NRXN3: variants seen among roughly 807,000 people sequenced by gnomAD.
NRXN3 encodes neurexin III.
Under a neutral mutation model 137.6 loss-of-function variants are expected in NRXN3, and 32 were observed. The observed-to-expected ratio is 0.23, with a 90% CI of 0.18 to 0.31. The LOEUF is 0.31. Among genes scored for constraint, NRXN3 ranks in the 10% least tolerant of loss-of-function variants. The probability of loss-of-function intolerance (pLI) is 1.00; values close to 1 mark genes in which losing one functional copy is unlikely to be tolerated. For missense variants in NRXN3, 1,574 were observed against 2,062.5 expected, an observed-to-expected ratio of 0.76 and a Z score of 4.59; for synonymous variants, 798 against 784.5, an observed-to-expected ratio of 1.02 and a Z score of -0.29.
At chr14:78,840,089 GTGACAGT>G (rs1169777707) in intron 10 of NRXN3, among the ~76,000 whole-genome samples, 5 of 152,156 alleles carry the variant, frequency 3.3e-5, no homozygotes, top group African/African-American at 1.2e-4. Context: ...GCCTTCTTTA[GTGACAGT>G]TGTTTCTAAA....
intron 17 of NRXN3, among the ~76,000 whole-genome samples, chr14:79,672,885 C>T (rs2098617564): frequency 6.6e-6 from 1 of 152,150 alleles, no homozygotes; most frequent in East Asian, 1.9e-4. Context: ...TGCAGAGTCT[C>T]TCTAGTTATT....
intron 15 of NRXN3, among the ~76,000 whole-genome samples, chr14:79,422,121 G>T (rs1278433767): frequency 1.3e-5 from 2 of 152,006 alleles, no homozygotes; most frequent in African/African-American, 4.8e-5. Context: ...ATGCAGTAGT[G>T]TGAGCATGGC....
rs1327284780 is a variant in NRXN3, at chr14:79,863,911, G to A, written c.*1947G>A. On this transcript the variant is annotated 3_prime_UTR_variant, in exon 21 of 21. Coordinates refer to ENST00000335750, the MANE Select transcript of NRXN3 (RefSeq NM_001330195.2). ...TTGAAAAAATATCTTAACGACATGG[G>A]GCAAAAAGTGCAATCTAAATGGTAG... 2 of 152,478 alleles carry A rather than the reference G, an allele frequency of 1.3e-5. No individual in the cohort carries two copies. Among genetic ancestry groups the A allele is most frequent in the African/African-American group, 2.4e-5 (1 of 41,420 alleles). The allele number at this position is 152,478 out of a possible 1,614,324, so 9.4% of individuals were successfully genotyped here. A position where few individuals can be genotyped will look rare whatever the true frequency, so the allele number is the denominator to read the frequency against.
intron 4 of NRXN3, among the ~76,000 whole-genome samples, chr14:78,437,900 G>T (rs1198610708): frequency 2.6e-5 from 4 of 152,134 alleles, no homozygotes; most frequent in Non-Finnish European, 5.9e-5. Context: ...CAGGTTTTCA[G>T]ATGTAGAAGA....
intron 16 of NRXN3, among the ~76,000 whole-genome samples, chr14:79,521,235 TTTTG>T (rs1195235694): frequency 6.6e-6 from 1 of 152,186 alleles, no homozygotes; most frequent in Admixed American, 6.6e-5. Context: ...CTTTTTCTTA[TTTTG>T]TTTGTTTGCT....
chr14:79,770,572 C>G (rs575617394), intron 19 of NRXN3, among the ~76,000 whole-genome samples: 1 of 149,336 alleles, frequency 6.7e-6, no homozygotes, highest in Admixed American at 6.7e-5. Flanking sequence ...TTCTTTGAAA[C>G]CAACGAGAAC....
chr14:79,291,565 G>C (rs1490755333), intron 15 of NRXN3, among the ~76,000 whole-genome samples: 2 of 149,900 alleles, frequency 1.3e-5, no homozygotes, highest in Admixed American at 1.3e-4. Context: ...TGGAAAGTTT[G>C]AGTCAGTTGC....
chr14:79,306,376 G>T (rs1598494616), intron 15 of NRXN3, among the ~76,000 whole-genome samples: 1 of 152,032 alleles, frequency 6.6e-6, no homozygotes, highest in Middle Eastern at 3.4e-3. Context: ...TCAACATCGT[G>T]CACCTTGTTC....
At chr14:79,538,275 G>A (rs143387013) in intron 16 of NRXN3, among the ~76,000 whole-genome samples, 4,162 of 152,188 alleles carry the variant, frequency 0.027, 199 homozygotes, top group African/African-American at 0.095. Flanking sequence ...TTCTTTTGCT[G>A]TGCAGAAGCT....
chr14:79,422,753 G>A (rs2095598665), intron 15 of NRXN3, among the ~76,000 whole-genome samples: 1 of 137,086 alleles, frequency 7.3e-6, no homozygotes, highest in Non-Finnish European at 1.5e-5. Context: ...AGGCTGGAAT[G>A]CAGTGGCACA....
intron 6 of NRXN3, among the ~76,000 whole-genome samples, chr14:78,683,703 G>A (rs553401707): frequency 6.6e-6 from 1 of 152,276 alleles, no homozygotes; most frequent in East Asian, 1.9e-4. Flanking sequence ...AAAAGTAGCT[G>A]GGGACCAAGT....
At chr14:79,326,177 G>T (rs953508116) in intron 15 of NRXN3, among the ~76,000 whole-genome samples, 3 of 152,158 alleles carry the variant, frequency 2.0e-5, no homozygotes, top group Admixed American at 2.0e-4. Context: ...TGGAAGTGAT[G>T]ATAATGTATT....
At chr14:78,948,477 C>T (rs1472572097) in intron 10 of NRXN3, among the ~76,000 whole-genome samples, 1 of 152,196 alleles carries the variant, frequency 6.6e-6, no homozygotes, top group Non-Finnish European at 1.5e-5. Flanking sequence ...ACTGTCTGAG[C>T]TCACAATAAC....
At chr14:79,773,918 C>T (rs778466723) in intron 19 of NRXN3, among the ~76,000 whole-genome samples, 1 of 150,008 alleles carries the variant, frequency 6.7e-6, no homozygotes, top group Non-Finnish European at 1.5e-5. Flanking sequence ...ATAGACCTAA[C>T]ATAAAGTAGT....
chr14:78,858,918 A>G (rs1208697725), intron 10 of NRXN3, among the ~76,000 whole-genome samples: 2 of 152,250 alleles, frequency 1.3e-5, no homozygotes, highest in Non-Finnish European at 2.9e-5. Context: ...ATCTGTATGT[A>G]TTCCTACATT....
intron 15 of NRXN3, among the ~76,000 whole-genome samples, chr14:79,383,806 A>C (rs555718481): frequency 5.9e-5 from 9 of 152,298 alleles, no homozygotes; most frequent in South Asian, 4.1e-4. Flanking sequence ...AGATAAATTT[A>C]ACTTCCTATA....
At chr14:79,213,684 C>A (rs1029132399) in intron 15 of NRXN3, among the ~76,000 whole-genome samples, 1 of 151,496 alleles carries the variant, frequency 6.6e-6, no homozygotes, top group Admixed American at 6.6e-5. Context: ...GAAGACAAAA[C>A]GAGGATTTAT....
chr14:78,623,198 G>A (rs1318707845), intron 4 of NRXN3, among the ~76,000 whole-genome samples: 1 of 152,144 alleles, frequency 6.6e-6, no homozygotes, highest in African/African-American at 2.4e-5. Context: ...TTAATTCAAT[G>A]TTTTCCTCCC....
chr14:78,912,097 T>A (rs549407409), intron 10 of NRXN3, among the ~76,000 whole-genome samples: 24 of 149,712 alleles, frequency 1.6e-4, no homozygotes, highest in African/African-American at 5.6e-4. Flanking sequence ...CAGTCCCCGG[T>A]GTGTGATGTT....
Sources: gnomAD v4.1 joint callset for allele counts (sites outside exome capture counted in the v4.1 genomes callset) on GRCh38, gnomAD v4.1.1 for gene constraint, MANE v1.5 for transcripts, NCBI Gene and HGNC (gene_info 2026-07-23, HGNC 2026-07-21) for gene names.